The following SSMEM1 variants were observed in gnomAD, a reference collection of about 807,000 sequenced individuals.
SSMEM1 encodes the protein serine-rich single-pass membrane protein 1.
Under a neutral mutation model 9.9 loss-of-function variants are expected in SSMEM1, and 12 were observed. That is an observed-to-expected ratio of 1.21 (90% CI 0.78 to 1.96). The LOEUF (loss-of-function observed/expected upper bound fraction) is 1.96. Ranked by LOEUF, SSMEM1 falls within the 30% of genes most tolerant of loss-of-function variation. The pLI, the probability that SSMEM1 is intolerant of heterozygous loss-of-function variation, is 0.00. For synonymous variants in SSMEM1, 96 were observed against 98.9 expected (o/e 0.97, Z 0.17); for missense variants, 259 against 292.2 (o/e 0.89, Z 0.83).
At position 130,216,359 on chromosome 7, in the gene SSMEM1, A is replaced by G. The variant is rs201212488; in HGVS notation, c.624A>G (p.Glu208=). The change falls in exon 3 of 3, where the codon GAA becomes GAG. Residue 208 remains glutamate, a synonymous_variant. Coordinates refer to ENST00000297819, the MANE Select transcript of SSMEM1 (RefSeq NM_145268.4). ...ACTGCAAAGCCTTGAGAACCAACGAATGGTTGGCGCACCATTCCCGACAGA... is the reference window on the plus strand; with the variant it reads ...ACTGCAAAGCCTTGAGAACCAACGAGTGGTTGGCGCACCATTCCCGACAGA... ...CLHCKALRTN[E]WLAHHSRQKP... is the part of the protein sequence containing the mutation. 8.7e-6 allele frequency: 14 copies of G among 1,614,060 alleles called. No homozygotes were observed. The Admixed American group carries it at 1.0e-4, about 12-fold the overall frequency.
intron 1 of SSMEM1, among the ~76,000 whole-genome samples, chr7:130,211,066 AAATTT>A (rs1798581624): frequency 6.6e-6 from 1 of 152,080 alleles, no homozygotes; most frequent in Admixed American, 6.5e-5. Context: ...TACATATATT[AAATTT>A]ATTTTTTTCC....
At chr7:130,212,679 C>G (rs1020405096) in intron 1 of SSMEM1, among the ~76,000 whole-genome samples, 4 of 151,410 alleles carry the variant, frequency 2.6e-5, no homozygotes, top group Admixed American at 2.6e-4. Context: ...GAGCTGAGAT[C>G]GCACCATTGT....
intron 1 of SSMEM1, 39 bp downstream of exon 1, chr7:130,208,132 T>C (rs1798523638): frequency 6.5e-7 from 1 of 1,528,022 alleles, no homozygotes; most frequent in Non-Finnish European, 8.8e-7. Flanking sequence ...ATATGTTTAC[T>C]GTACACTAGG....
At chr7:130,206,252 C>A (rs1584708010), upstream of SSMEM1, among the ~76,000 whole-genome samples, 1 of 152,296 alleles carries the variant, frequency 6.6e-6, no homozygotes, top group East Asian at 1.9e-4. Context: ...AGCTCAACCC[C>A]AGCGGAGGCC....
chr7:130,213,598 C>T, intron 2 of SSMEM1, 64 bp downstream of exon 2: 2 of 1,397,764 alleles, frequency 1.4e-6, no homozygotes, highest in South Asian at 2.4e-5. Context: ...TGTTGCATGC[C>T]TGTAGTCCCA....
chr7:130,209,434 T>C (rs1798550766), intron 1 of SSMEM1, among the ~76,000 whole-genome samples: 1 of 152,196 alleles, frequency 6.6e-6, no homozygotes, highest in Admixed American at 6.5e-5. Flanking sequence ...AGGTAAATAC[T>C]TTGCCAAAAG....
rs748693465 is a variant in SSMEM1, at chr7:130,216,174, A to G, written c.439A>G (p.Thr147Ala). 3 of 1,614,210 alleles carry G rather than the reference A, an allele frequency of 1.9e-6. No homozygotes were observed. Among genetic ancestry groups the G allele is most frequent in the East Asian group, 2.2e-5 (1 of 44,886 alleles). The change falls in exon 3 of 3, where the codon ACT (threonine) becomes GCT (alanine). Residue 147 changes from threonine to alanine, a missense_variant. Coordinates refer to ENST00000297819, the MANE Select transcript of SSMEM1 (RefSeq NM_145268.4). The part of the protein sequence containing the change: ...EVNQNQHDSD[T>A]TEYGSEESNS... ...GAACCAGAACCAACATGACAGTGAT[A>G]CTACGGAGTATGGCAGTGAAGAGTC...
chr7:130,214,102 A>C (rs941697844), intron 2 of SSMEM1, among the ~76,000 whole-genome samples: 1 of 152,226 alleles, frequency 6.6e-6, no homozygotes, highest in African/African-American at 2.4e-5. Flanking sequence ...CTGGTTCTCC[A>C]AAACTCCTGT....
At chr7:130,206,598 T>G (rs1490753545), upstream of SSMEM1, among the ~76,000 whole-genome samples, 1 of 152,242 alleles carries the variant, frequency 6.6e-6, no homozygotes, top group African/African-American at 2.4e-5. Flanking sequence ...ATTTTTAGAT[T>G]GCTTTAGCAG....
intron 1 of SSMEM1, 32 bp from the exon 2 acceptor site, chr7:130,213,448 A>G: frequency 6.3e-7 from 1 of 1,595,896 alleles, no homozygotes; most frequent in Non-Finnish European, 8.6e-7. Context: ...AACAACTGAG[A>G]TCACTCTTAC....
At chr7:130,213,698 A>C (rs1379983039) in intron 2 of SSMEM1, among the ~76,000 whole-genome samples, 164 bp downstream of exon 2, 86 of 147,520 alleles carry the variant, frequency 5.8e-4, no homozygotes, top group Non-Finnish European at 1.0e-3. Flanking sequence ...GTACCAAAAA[A>C]AAAAAAAAAA....
upstream of SSMEM1, chr7:130,206,744 T>G (rs1584708575): frequency 6.5e-6 from 1 of 152,716 alleles, no homozygotes; most frequent in African/African-American, 2.4e-5. Flanking sequence ...CCCAACACTT[T>G]GGGAGGCCGA....
At chr7:130,212,869 T>C (rs1798618821) in intron 1 of SSMEM1, among the ~76,000 whole-genome samples, 1 of 152,206 alleles carries the variant, frequency 6.6e-6, no homozygotes, top group African/African-American at 2.4e-5. Context: ...TAGCTCCTTG[T>C]CAGTGTTATT....
At chr7:130,210,597 C>G (rs931100395) in intron 1 of SSMEM1, among the ~76,000 whole-genome samples, 1 of 152,096 alleles carries the variant, frequency 6.6e-6, no homozygotes, top group Non-Finnish European at 1.5e-5. Flanking sequence ...CCTTATTTTG[C>G]TTATGTGGAA....
intron 1 of SSMEM1, among the ~76,000 whole-genome samples, chr7:130,211,610 G>A (rs1252045301): frequency 6.6e-6 from 1 of 152,168 alleles, no homozygotes; most frequent in Non-Finnish European, 1.5e-5. Context: ...TTAGATTGCA[G>A]TTATAAATAC....
chr7:130,205,444 G>T (rs1798423724), upstream of SSMEM1: 8 of 1,611,492 alleles, frequency 5.0e-6, no homozygotes, highest in African/African-American at 1.3e-5. Context: ...GCTCAAGCGG[G>T]AGGCCACCGG....
Position 130,216,060 on chromosome 7 carries a change from C to T in SSMEM1, c.325C>T (p.Leu109Phe). The part of the protein sequence containing the change: ...QTMKKPKQNQ[L>F]TPVTNSEVAL... The stretch of plus-strand genomic sequence containing the variant: ...AATGAAGAAACCAAAGCAGAACCAA[C>T]TTACCCCTGTAACCAACTCAGAAGT... Residue 109 changes from leucine to phenylalanine, a missense_variant, in exon 3 of 3, where the codon CTT becomes TTT. Physicochemically the swap from Leu to Phe is conservative, Grantham distance 22. Coordinates refer to ENST00000297819, the MANE Select transcript of SSMEM1 (RefSeq NM_145268.4). 1 of 1,614,234 alleles carries T rather than the reference C, an allele frequency of 6.2e-7. No individual in the cohort carries two copies. Among genetic ancestry groups the T allele is most frequent in the Non-Finnish European group, 8.5e-7 (1 of 1,180,042 alleles).
upstream of SSMEM1, chr7:130,205,512 G>C: frequency 7.0e-7 from 1 of 1,421,218 alleles, no homozygotes; most frequent in Non-Finnish European, 9.8e-7. Flanking sequence ...AGAAAGGGAG[G>C]GGTCGCAGGC....
In SSMEM1 at chr7:130,216,351, A is replaced by C. The variant is rs114560708; in HGVS notation, c.616A>C (p.Thr206Pro). ...RHCLHCKALRTNEWLAHHSRQ... is the reference protein window; with the variant it reads ...RHCLHCKALRPNEWLAHHSRQ... ...CTGCCTCCACTGCAAAGCCTTGAGA[A>C]CCAACGAATGGTTGGCGCACCATTC... Residue 206 changes from threonine to proline, a missense_variant, in exon 3 of 3, where the codon ACC (threonine) becomes CCC (proline). By Grantham distance (38) the Thr-to-Pro change is conservative. Coordinates refer to ENST00000297819, the MANE Select transcript of SSMEM1 (RefSeq NM_145268.4). 6.2e-4 allele frequency: 1,000 copies of C among 1,614,226 alleles called. 4 individuals are homozygous for C. The African/African-American group carries it at 0.012, about 19-fold the overall frequency.
Sources: allele counts gnomAD v4.1 joint callset (sites outside exome capture counted in the v4.1 genomes callset), GRCh38; gene constraint gnomAD v4.1.1; transcripts MANE v1.5; gene names NCBI Gene and HGNC (gene_info 2026-07-23, HGNC 2026-07-21).